ATG12: variants seen among roughly 807,000 people sequenced by gnomAD.
The protein encoded by ATG12 is autophagy related 12, also known as ubiquitin-like protein ATG12.
In ATG12, 19 loss-of-function variants were observed where a neutral mutation model predicts 17.6. That is an observed-to-expected ratio of 1.08 (90% CI 0.75 to 1.58). The LOEUF (loss-of-function observed/expected upper bound fraction) is 1.58. Ranked by LOEUF, ATG12 falls within the 40% of genes most tolerant of loss-of-function variation. ATG12 has a pLI of 0.00. For synonymous variants in ATG12, 75 were observed against 62.4 expected, an observed-to-expected ratio of 1.20 and a Z score of -0.95; for missense variants, 214 against 162.0, an observed-to-expected ratio of 1.32 and a Z score of -1.74.
intron 1 of ATG12, chr5:115,838,465 C>T (rs772197459): frequency 6.6e-6 from 1 of 152,194 alleles, no homozygotes. Flanking sequence ...ATCTCTCCAA[C>T]AGCATGTATA....
Position 115,837,056 on chromosome 5 carries a change from G to T in ATG12, c.300+572C>A, listed in dbSNP as rs920716728. On this transcript the variant is annotated intron_variant, in intron 2 of 3. Coordinates refer to ENST00000509910, the MANE Select transcript of ATG12 (RefSeq NM_004707.4). ...TCCAAAACTTCTGTAGTAATGTACA[G>T]ATATTGCAATGCTCTATGATAGATT... 2.0e-5 allele frequency among the ~76,000 whole-genome samples: 3 copies of T among 152,200 alleles called. No homozygotes were observed. The East Asian group carries it at 5.8e-4, about 29-fold the overall frequency.
rs1760814423 is a variant in ATG12, at chr5:115,830,287, C to G, written c.*1517G>C. On this transcript the variant is annotated 3_prime_UTR_variant, in exon 4 of 4. Transcript: ENST00000509910. Reference sequence around the variant, plus strand: ...CTAAATGGATGCTACAAATTTCAACCAGTATTTTCGATTTTTTGAGGTCTA... The same window carrying G: ...CTAAATGGATGCTACAAATTTCAACGAGTATTTTCGATTTTTTGAGGTCTA... 1 of 151,906 alleles carries G rather than the reference C, an allele frequency of 6.6e-6. No individual in the cohort carries two copies. The highest frequency in any genetic ancestry group is 2.4e-5 in the African/African-American group (1 of 41,320). The allele number at this position is 151,906 out of a possible 1,614,324, so 9.4% of individuals were successfully genotyped here.
rs1760818686 is a variant in ATG12 at position 115,830,352 on chromosome 5, CAT to C, written c.*1450_*1451del. ...AGTGGCAAACAATACGAAAATTCAA[CAT>C]ATTTTTATTTGTTAAATATATGAAT... On this transcript the variant is annotated 3_prime_UTR_variant, in exon 4 of 4. Coordinates refer to ENST00000509910, the MANE Select transcript of ATG12 (RefSeq NM_004707.4). The C allele has an allele frequency of 6.6e-6, 1 of 152,046 alleles. No homozygotes were observed. Among genetic ancestry groups the C allele is most frequent in the South Asian group, 2.1e-4 (1 of 4,828 alleles). The allele number at this position is 152,046 out of a possible 1,614,324, so 9.4% of individuals were successfully genotyped here.
rs1457459073 is a variant in ATG12, at chr5:115,829,263, CCTT to C, written c.*2538_*2540del. 1 of 152,156 alleles carries C rather than the reference CCTT, an allele frequency of 6.6e-6. No homozygotes were observed. Among genetic ancestry groups the C allele is most frequent in the African/African-American group, 2.4e-5 (1 of 41,432 alleles). 9.4% of individuals were successfully genotyped at this position (152,156 alleles called of 1,614,324 possible). A position where few individuals can be genotyped will look rare whatever the true frequency, so the allele number is the denominator to read the frequency against. On this transcript the variant is annotated 3_prime_UTR_variant, in exon 4 of 4. Transcript: ENST00000509910. ...GAAAAGAGATTTTTATTTTCACACT[CCTT>C]CAACACCTAAGGCTTTCTCACTTTG...
rs1760804264 is a variant in ATG12, at chr5:115,830,117, C to CT, written c.*1686dup. 1.6e-5 allele frequency: 1 copy of CT among 63,056 alleles called. No individual in the cohort carries two copies. 3.9% of individuals were successfully genotyped at this position (63,056 alleles called of 1,614,324 possible). On this transcript the variant is annotated 3_prime_UTR_variant, in exon 4 of 4. Coordinates refer to ENST00000509910, the MANE Select transcript of ATG12 (RefSeq NM_004707.4). ...GGGCAACAAGACCGAAACGCTGTCT[C>CT]TTTAAAAAAAAAAAAAAAAAAAAAA...
intron 2 of ATG12, among the ~76,000 whole-genome samples, chr5:115,836,654 A>C (rs548688588): frequency 4.6e-4 from 70 of 152,302 alleles, no homozygotes; most frequent in Admixed American, 1.6e-3. Flanking sequence ...CAGTGCCCCC[A>C]AAAATTCCTG....
At chr5:115,836,137 G>T (rs2112725012) in intron 2 of ATG12, among the ~76,000 whole-genome samples, 1 of 152,204 alleles carries the variant, frequency 6.6e-6, no homozygotes, top group Middle Eastern at 3.4e-3. Context: ...AATGGGAAAG[G>T]ATAATCATAT....
rs1760791822 is a variant in ATG12 at position 115,829,859 on chromosome 5, C to T, written c.*1945G>A. On this transcript the variant is annotated 3_prime_UTR_variant, in exon 4 of 4. Coordinates refer to ENST00000509910, the MANE Select transcript of ATG12 (RefSeq NM_004707.4). The stretch of plus-strand genomic sequence containing the variant: ...GGCACGGTGGCTCACACCTATAATC[C>T]CAGCACTTTGGGAGGCCAAGGCGGG... 1 of 151,984 alleles carries T rather than the reference C, an allele frequency of 6.6e-6. No homozygotes were observed. The highest frequency in any genetic ancestry group is 2.4e-5 in the African/African-American group (1 of 41,356). 9.4% of individuals were successfully genotyped at this position (151,984 alleles called of 1,614,324 possible).
At position 115,828,955 on chromosome 5, in the gene ATG12, G is replaced by C. The variant is rs1001529903; in HGVS notation, c.*2849C>G. ...GTTAAAATCTGAATCAGGCCTTGAA[G>C]AAGAGTTAGGATTTGAAAGGGTGAA... On this transcript the variant is annotated 3_prime_UTR_variant, in exon 4 of 4. Coordinates refer to ENST00000509910, the MANE Select transcript of ATG12 (RefSeq NM_004707.4). 1 of 152,320 alleles carries C rather than the reference G, an allele frequency of 6.6e-6. No individual in the cohort carries two copies. Among genetic ancestry groups the C allele is most frequent in the East Asian group, 1.9e-4 (1 of 5,190 alleles). 9.4% of individuals were successfully genotyped at this position (152,320 alleles called of 1,614,324 possible).
rs1332721998 is a variant in ATG12, at chr5:115,841,483, C to G, written c.70G>C (p.Asp24His). 1 of 1,611,828 alleles carries G rather than the reference C, an allele frequency of 6.2e-7. No homozygotes were observed. The highest frequency in any genetic ancestry group is 8.5e-7 in the Non-Finnish European group (1 of 1,179,382). ...SIAAGGEGLT[D>H]VSPETTTPEP... is the part of the protein sequence containing the mutation. ...GGGGTGGTTGTTTCTGGGGAGACATCCGTAAGTCCTTCCCCTCCAGCAGCA... is the reference window on the plus strand; with the variant it reads ...GGGGTGGTTGTTTCTGGGGAGACATGCGTAAGTCCTTCCCCTCCAGCAGCA... Residue 24 changes from aspartate to histidine, a missense_variant, in exon 1 of 4, where the codon GAT becomes CAT. Physicochemically the swap from Asp to His is moderately conservative, Grantham distance 81. Transcript: ENST00000509910.
intron 2 of ATG12, among the ~76,000 whole-genome samples, chr5:115,836,719 CTGAGT>C (rs1399631320): frequency 3.3e-5 from 5 of 152,162 alleles, no homozygotes; most frequent in Non-Finnish European, 4.4e-5. Flanking sequence ...CTCATGCTAT[CTGAGT>C]TAATACTATC....
chr5:115,841,476 G>A lies in ATG12; in HGVS notation c.77C>T (p.Ser26Phe), dbSNP rs745732858. Residue 26 changes from serine to phenylalanine, a missense_variant, in exon 1 of 4, where the codon TCC becomes TTC. Physicochemically the swap from Ser to Phe is radical, Grantham distance 155. Coordinates refer to ENST00000509910, the MANE Select transcript of ATG12 (RefSeq NM_004707.4). Reference sequence around the variant, plus strand: ...GGGCTCCGGGGTGGTTGTTTCTGGGGAGACATCCGTAAGTCCTTCCCCTCC... The same window carrying A: ...GGGCTCCGGGGTGGTTGTTTCTGGGAAGACATCCGTAAGTCCTTCCCCTCC... The part of the protein sequence containing the change: ...AAGGEGLTDV[S>F]PETTTPEPPS... 3 of 1,611,554 alleles carry A rather than the reference G, an allele frequency of 1.9e-6. No homozygotes were observed. Among genetic ancestry groups the A allele is most frequent in the Non-Finnish European group, 2.5e-6 (3 of 1,179,362 alleles).
intron 2 of ATG12, among the ~76,000 whole-genome samples, chr5:115,836,649 C>A (rs1440065837): frequency 6.6e-6 from 1 of 152,096 alleles, no homozygotes; most frequent in African/African-American, 2.4e-5. Flanking sequence ...TCCCCCAGTG[C>A]CCCCAAAAAT....
At position 115,828,442 on chromosome 5, in the gene ATG12, A is replaced by G. The variant is rs950748321; in HGVS notation, c.*3362T>C. ...TACATTATTTTTATTGTCAGTCAGC[A>G]TTGTTTTTATTTGTATTTTTTGTAA... On this transcript the variant is annotated 3_prime_UTR_variant, in exon 4 of 4. Transcript: ENST00000509910. 7.2e-5 allele frequency: 11 copies of G among 152,084 alleles called. No individual in the cohort carries two copies. Among genetic ancestry groups the G allele is most frequent in the Non-Finnish European group, 1.2e-4 (8 of 68,000 alleles). The allele number at this position is 152,084 out of a possible 1,614,324, so 9.4% of individuals were successfully genotyped here.
intron 3 of ATG12, 58 bp from the exon 4 acceptor site, chr5:115,831,921 T>A: frequency 6.7e-7 from 1 of 1,495,666 alleles, no homozygotes; most frequent in Non-Finnish European, 9.2e-7. Context: ...TAGATGAAAC[T>A]AAGAAGATAA....
Position 115,841,556 on chromosome 5 carries a change from G to T in ATG12, c.-4C>A. On this transcript the variant is annotated 5_prime_UTR_variant, in exon 1 of 4. Transcript: ENST00000509910. ...CAGACTGCGGCTCCTCCGCCATCTT[G>T]CTTGGAGACACTCGAGAGCGGAAGT... 1 of 1,614,088 alleles carries T rather than the reference G, an allele frequency of 6.2e-7. No individual in the cohort carries two copies. The highest frequency in any genetic ancestry group is 8.5e-7 in the Non-Finnish European group (1 of 1,180,018).
At position 115,841,533 on chromosome 5, in the gene ATG12, G is replaced by T. The variant is rs372619984; in HGVS notation, c.20C>A (p.Ser7Tyr). The change falls in exon 1 of 4, where the codon TCT becomes TAT. Residue 7 changes from serine to tyrosine, a missense_variant. Coordinates refer to ENST00000509910, the MANE Select transcript of ATG12 (RefSeq NM_004707.4). MAEEPQ[S>Y]VLQLPTSIAA... is the part of the protein sequence containing the mutation. ...AATTGAAGTAGGAAGCTGCAACACAGACTGCGGCTCCTCCGCCATCTTGCT... is the reference window on the plus strand; with the variant it reads ...AATTGAAGTAGGAAGCTGCAACACATACTGCGGCTCCTCCGCCATCTTGCT... The T allele has an allele frequency of 1.9e-6, 3 of 1,613,420 alleles. No individual in the cohort carries two copies. Among genetic ancestry groups the T allele is most frequent in the Non-Finnish European group, 2.5e-6 (3 of 1,179,782 alleles).
At chr5:115,836,582 T>G (rs933486731) in intron 2 of ATG12, among the ~76,000 whole-genome samples, 1 of 152,192 alleles carries the variant, frequency 6.6e-6, no homozygotes, top group South Asian at 2.1e-4. Context: ...ATGTCCTGCT[T>G]TAATGATAGT....
chr5:115,831,923 A>T, intron 3 of ATG12, 60 bp from the exon 4 acceptor site: 2 of 1,493,124 alleles, frequency 1.3e-6, no homozygotes, highest in Non-Finnish European at 1.8e-6. Flanking sequence ...GATGAAACTA[A>T]GAAGATAAAT....
Sources: gnomAD v4.1 joint callset for allele counts (sites outside exome capture counted in the v4.1 genomes callset) on GRCh38, gnomAD v4.1.1 for gene constraint, MANE v1.5 for transcripts, NCBI Gene and HGNC (gene_info 2026-07-23, HGNC 2026-07-21) for gene names.